Variants in LRRC1 observed in about 807,000 individuals in gnomAD.
LRRC1 encodes leucine-rich repeat-containing protein 1.
Under a neutral mutation model 69.9 loss-of-function variants are expected in LRRC1, and 28 were observed. The ratio of observed to expected loss-of-function variants is 0.40; its 90% confidence interval spans 0.30 to 0.55. LRRC1 has a LOEUF of 0.55. Among genes scored for constraint, LRRC1 ranks in the 20% least tolerant of loss-of-function variants. LRRC1 has a pLI of 0.47. For missense variants in LRRC1, 498 were observed against 609.0 expected, an observed-to-expected ratio of 0.82 and a Z score of 1.92; for synonymous variants, 236 against 240.2, an observed-to-expected ratio of 0.98 and a Z score of 0.16.
intron 12 of LRRC1, 85 bp from the exon 13 acceptor site, chr6:53,920,540 T>G: frequency 6.6e-7 from 1 of 1,523,202 alleles, no homozygotes; most frequent in Non-Finnish European, 9.1e-7. Context: ...TCCGTATAGA[T>G]TCTACCTTGT....
chr6:53,855,306 A>G (rs764613372), intron 2 of LRRC1, among the ~76,000 whole-genome samples: 3 of 152,258 alleles, frequency 2.0e-5, no homozygotes, highest in East Asian at 1.9e-4. Flanking sequence ...GTTTTACAAA[A>G]TGTTAAAGAA....
At chr6:53,833,557 A>T (rs1765493125) in intron 1 of LRRC1, among the ~76,000 whole-genome samples, 1 of 152,242 alleles carries the variant, frequency 6.6e-6, no homozygotes. Flanking sequence ...TCAAGCACAC[A>T]CATGCTAACA....
intron 1 of LRRC1, among the ~76,000 whole-genome samples, chr6:53,820,650 G>T (rs969038254): frequency 1.3e-4 from 20 of 151,800 alleles, no homozygotes; most frequent in African/African-American, 4.1e-4. Context: ...ACTGTAAGAG[G>T]TTATCAGGTT....
intron 4 of LRRC1, among the ~76,000 whole-genome samples, chr6:53,887,970 G>A (rs1298656604): frequency 6.6e-6 from 1 of 152,160 alleles, no homozygotes; most frequent in African/African-American, 2.4e-5. Context: ...ACAGTGCCTA[G>A]TCAACAATGG....
chr6:53,856,794 G>A (rs1273789227), intron 2 of LRRC1, among the ~76,000 whole-genome samples: 1 of 152,188 alleles, frequency 6.6e-6, no homozygotes, highest in Non-Finnish European at 1.5e-5. Context: ...CTAGCAGGGA[G>A]CATGAAGTCG....
intron 2 of LRRC1, among the ~76,000 whole-genome samples, chr6:53,847,098 A>G (rs374420091): frequency 6.6e-5 from 10 of 152,188 alleles, no homozygotes; most frequent in African/African-American, 2.4e-4. Flanking sequence ...CAAAACAGCA[A>G]TTTTAAATTT....
At chr6:53,887,010 G>A (rs1332653695) in intron 4 of LRRC1, among the ~76,000 whole-genome samples, 1 of 152,156 alleles carries the variant, frequency 6.6e-6, no homozygotes, top group Admixed American at 6.5e-5. Context: ...CACGTGACAA[G>A]GTACAGAGTA....
chr6:53,879,563 C>T (rs1767197270), intron 3 of LRRC1, among the ~76,000 whole-genome samples: 1 of 152,162 alleles, frequency 6.6e-6, no homozygotes, highest in Non-Finnish European at 1.5e-5. Context: ...GGATTACAGG[C>T]CGGAGCCACC....
intron 2 of LRRC1, among the ~76,000 whole-genome samples, chr6:53,859,387 C>A (rs1424388446): frequency 2.6e-5 from 4 of 152,078 alleles, no homozygotes; most frequent in Admixed American, 1.3e-4. Context: ...GAGCAGGAAC[C>A]CAGGAGTCTG....
chr6:53,892,025 C>T (rs1767720976), intron 4 of LRRC1, among the ~76,000 whole-genome samples: 2 of 150,716 alleles, frequency 1.3e-5, no homozygotes, highest in South Asian at 2.1e-4. Context: ...CACACACACA[C>T]ACACACACAC....
At chr6:53,883,275 T>A (rs892544525) in intron 4 of LRRC1, among the ~76,000 whole-genome samples, 1 of 152,242 alleles carries the variant, frequency 6.6e-6, no homozygotes, top group Non-Finnish European at 1.5e-5. Context: ...AAGTACTATG[T>A]GTCATGTAGG....
In LRRC1 at chr6:53,842,255, A is replaced by C. The variant is rs771670311; in HGVS notation, c.277+28A>C. On this transcript the variant is annotated intron_variant, in intron 2 of 13. Coordinates refer to ENST00000370888, the MANE Select transcript of LRRC1 (RefSeq NM_018214.5). ...AAGAAAGATTCCACTTGGGTTGCCT[A>C]TTTGTCTCTTCAGATGCTGGGGGTG... 5 of 1,507,606 alleles carry C rather than the reference A, an allele frequency of 3.3e-6. No homozygotes were observed. In the African/African-American group the frequency reaches 6.9e-5, roughly 21 times the overall value. The allele number at this position is 1,507,606 out of a possible 1,614,324, so 93.4% of individuals were successfully genotyped here.
chr6:53,844,928 G>C (rs1765893140), intron 2 of LRRC1, among the ~76,000 whole-genome samples: 1 of 152,184 alleles, frequency 6.6e-6, no homozygotes, highest in Non-Finnish European at 1.5e-5. Flanking sequence ...ACCTGGGCTG[G>C]GTGCGGTGGC....
At chr6:53,891,519 TAA>T (rs1389586113) in intron 4 of LRRC1, among the ~76,000 whole-genome samples, 37 of 135,768 alleles carry the variant, frequency 2.7e-4, no homozygotes, top group Non-Finnish European at 2.7e-4. Context: ...ACCTTTCTTG[TAA>T]AAAAAAAAAA....
At chr6:53,825,168 A>G (rs1765222259) in intron 1 of LRRC1, among the ~76,000 whole-genome samples, 1 of 152,154 alleles carries the variant, frequency 6.6e-6, no homozygotes, top group African/African-American at 2.4e-5. Context: ...GGGAGAGATA[A>G]TGGAATTTTT....
chr6:53,899,976 C>T (rs894402890), intron 8 of LRRC1, 85 bp downstream of exon 8: 2 of 1,217,374 alleles, frequency 1.6e-6, no homozygotes, highest in Non-Finnish European at 1.1e-6. Flanking sequence ...CTTTGGTCAC[C>T]ACTTTCAGAT....
chr6:53,876,121 G>A (rs1051915432), intron 2 of LRRC1, among the ~76,000 whole-genome samples: 3 of 152,120 alleles, frequency 2.0e-5, no homozygotes. Flanking sequence ...CATCTGACTA[G>A]GGAGGCCTCA....
chr6:53,841,141 T>C (rs1416841531), intron 1 of LRRC1, among the ~76,000 whole-genome samples: 2 of 152,220 alleles, frequency 1.3e-5, no homozygotes, highest in East Asian at 3.9e-4. Context: ...TCCCCTGTTT[T>C]TAGCATGGTT....
intron 2 of LRRC1, among the ~76,000 whole-genome samples, chr6:53,858,533 A>T (rs546001242): frequency 1.1e-4 from 17 of 152,316 alleles, no homozygotes; most frequent in Non-Finnish European, 2.2e-4. Flanking sequence ...GACATAAATA[A>T]TCAGGGCCCA....
Sources: allele counts gnomAD v4.1 joint callset (sites outside exome capture counted in the v4.1 genomes callset), GRCh38; gene constraint gnomAD v4.1.1; transcripts MANE v1.5; gene names NCBI Gene and HGNC (gene_info 2026-07-23, HGNC 2026-07-21).